The following ACTN2 variants were observed in gnomAD, a reference collection of about 807,000 sequenced individuals.
The protein encoded by ACTN2 is actinin alpha 2, also known as alpha-actinin-2.
A neutral mutation model predicts 113.8 loss-of-function variants in ACTN2; 39 were observed. That is an observed-to-expected ratio of 0.34 (90% confidence interval 0.27 to 0.45). ACTN2 has a LOEUF of 0.45. ACTN2 is among the 20% of genes least tolerant of loss of function. The pLI is 1.00. For missense variants in ACTN2, 992 were observed against 1,177.9 expected (o/e 0.84, Z 2.31); for synonymous variants, 429 against 444.1 (o/e 0.97, Z 0.43).
intron 3 of ACTN2, among the ~76,000 whole-genome samples, chr1:236,719,815 C>G (rs959753580): frequency 1.3e-5 from 2 of 151,826 alleles, no homozygotes; most frequent in African/African-American, 4.8e-5. Context: ...AAAAAAAAAC[C>G]TTAGCTATTA....
intron 4 of ACTN2, among the ~76,000 whole-genome samples, chr1:236,720,460 GCT>G (rs1658351110): frequency 6.6e-6 from 1 of 152,090 alleles, no homozygotes; most frequent in Non-Finnish European, 1.5e-5. Context: ...CTTCTTGATT[GCT>G]TATTATACTA....
At chr1:236,715,049 C>A (rs955930364) in intron 1 of ACTN2, among the ~76,000 whole-genome samples, 1 of 151,988 alleles carries the variant, frequency 6.6e-6, no homozygotes, top group Admixed American at 6.6e-5. Flanking sequence ...ATGCAAGAGA[C>A]TGATAGCTTC....
chr1:236,746,662 C>A (rs1659248129), intron 12 of ACTN2, among the ~76,000 whole-genome samples: 1 of 151,362 alleles, frequency 6.6e-6, no homozygotes, highest in African/African-American at 2.4e-5. Context: ...CGTATGATCA[C>A]CCCCACTGCA....
intron 10 of ACTN2, among the ~76,000 whole-genome samples, chr1:236,740,200 G>A (rs1199154665): frequency 2.6e-5 from 4 of 151,900 alleles, no homozygotes; most frequent in African/African-American, 7.3e-5. Context: ...TGCAAGCTCC[G>A]CCTCCCGGGT....
At chr1:236,728,447 C>T (rs1658623689) in intron 6 of ACTN2, among the ~76,000 whole-genome samples, 1 of 152,178 alleles carries the variant, frequency 6.6e-6, no homozygotes, top group Non-Finnish European at 1.5e-5. Context: ...CCGGCCCATC[C>T]AAGCCTTTTT....
intron 6 of ACTN2, among the ~76,000 whole-genome samples, chr1:236,730,785 A>G (rs11805277): frequency 0.02 from 3,065 of 152,290 alleles, 99 homozygotes; most frequent in African/African-American, 0.07. Context: ...TTAGTCAGCT[A>G]AAAGTTTTAG....
chr1:236,715,692 A>G (rs1281770553), intron 1 of ACTN2, among the ~76,000 whole-genome samples: 1 of 152,222 alleles, frequency 6.6e-6, no homozygotes. Context: ...GTGGTGGCTC[A>G]TGCCTGTAAT....
intron 1 of ACTN2, among the ~76,000 whole-genome samples, chr1:236,712,433 G>A (rs545582316): frequency 1.1e-4 from 16 of 152,266 alleles, no homozygotes; most frequent in South Asian, 2.1e-4. Context: ...ATTAAAGATA[G>A]GGAAACTTCA....
In ACTN2 at chr1:236,717,384, C is replaced by T. The variant is rs113365890; in HGVS notation, c.127-474C>T. On this transcript the variant is annotated intron_variant, in intron 1 of 20. Transcript: ENST00000366578. ...CCTGGGAGGTTGAGGCTGCAGTGAG[C>T]CATGATCACACCACTGTTCTCCAGC... 8.9e-3 allele frequency among the ~76,000 whole-genome samples: 1,355 copies of T among 152,230 alleles called. 24 individuals carry two copies. Among genetic ancestry groups the T allele is most frequent in the African/African-American group, 0.03 (1,259 of 41,560 alleles).
chr1:236,716,143 C>A (rs1377182648), intron 1 of ACTN2, among the ~76,000 whole-genome samples: 1 of 150,070 alleles, frequency 6.7e-6, no homozygotes, highest in African/African-American at 2.5e-5. Flanking sequence ...GCTGTCACCT[C>A]CTTCTTGAAA....
intron 15 of ACTN2, 41 bp downstream of exon 15, chr1:236,751,693 T>G: frequency 6.2e-7 from 1 of 1,612,862 alleles, no homozygotes; most frequent in Non-Finnish European, 8.5e-7. Context: ...GGGGGCATTC[T>G]TGAAGCTGAC....
intron 18 of ACTN2, among the ~76,000 whole-genome samples, chr1:236,758,318 G>T (rs552270718): frequency 7.1e-6 from 1 of 140,260 alleles, no homozygotes; most frequent in African/African-American, 3.1e-5. Flanking sequence ...ACGGAGTCTC[G>T]CTCTGTCACC....
At chr1:236,718,502 C>T (rs1312832832) in intron 2 of ACTN2, among the ~76,000 whole-genome samples, 1 of 152,166 alleles carries the variant, frequency 6.6e-6, no homozygotes, top group Non-Finnish European at 1.5e-5. Context: ...AATCAGGTGT[C>T]GAACGAGCCC....
chr1:236,718,448 T>C (rs1658285838), intron 2 of ACTN2, among the ~76,000 whole-genome samples: 1 of 152,342 alleles, frequency 6.6e-6, no homozygotes, highest in Admixed American at 6.5e-5. Flanking sequence ...GAAGTGTGAC[T>C]GGGAAGGATT....
intron 4 of ACTN2, among the ~76,000 whole-genome samples, chr1:236,724,838 CTTTTTTT>C (rs5781922): frequency 2.4e-5 from 2 of 81,676 alleles, no homozygotes; most frequent in African/African-American, 7.9e-5. Flanking sequence ...TGGGTTTTTC[CTTTTTTT>C]TTTTTTTTTT....
chr1:236,690,250 C>G (rs114311880), intron 1 of ACTN2, among the ~76,000 whole-genome samples: 2,631 of 152,248 alleles, frequency 0.017, 75 homozygotes, highest in African/African-American at 0.058. Context: ...AAATAGAGAG[C>G]CTGGGAGCCT....
intron 12 of ACTN2, among the ~76,000 whole-genome samples, chr1:236,746,620 C>A (rs183054560): frequency 2.1e-3 from 321 of 151,706 alleles, no homozygotes; most frequent in African/African-American, 7.4e-3. Context: ...ACAGGAGGAT[C>A]ACTTGAGCCT....
intron 14 of ACTN2, among the ~76,000 whole-genome samples, chr1:236,749,780 A>G (rs534785866): frequency 2.6e-5 from 4 of 152,252 alleles, no homozygotes; most frequent in African/African-American, 9.6e-5. Context: ...CATCCTGGGT[A>G]ACAGAGTGAG....
At chr1:236,716,955 C>T (rs919051389) in intron 1 of ACTN2, among the ~76,000 whole-genome samples, 15 of 150,986 alleles carry the variant, frequency 9.9e-5, no homozygotes, top group African/African-American at 3.4e-4. Context: ...CTGCCTGAGC[C>T]TCTTGAGTAG....
Sources: gnomAD v4.1 joint callset for allele counts (sites outside exome capture counted in the v4.1 genomes callset) on GRCh38, gnomAD v4.1.1 for gene constraint, MANE v1.5 for transcripts, NCBI Gene and HGNC (gene_info 2026-07-23, HGNC 2026-07-21) for gene names.